CYP2C18: variants seen among roughly 807,000 people sequenced by gnomAD.
CYP2C18 encodes cytochrome P450 2C18.
A neutral mutation model predicts 41.3 loss-of-function variants in CYP2C18; 38 were observed. The ratio of observed to expected loss-of-function variants is 0.92; its 90% confidence interval spans 0.71 to 1.21. The LOEUF (loss-of-function observed/expected upper bound fraction) is 1.21, where lower values mean the gene tolerates loss of function less well. Ranked by LOEUF, CYP2C18 falls within the 50% of genes most tolerant of loss-of-function variation. CYP2C18 has a pLI of 0.00. For synonymous variants in CYP2C18, 236 were observed against 210.0 expected (o/e 1.12, Z -1.07); for missense variants, 635 against 591.4 (o/e 1.07, Z -0.77).
intron 6 of CYP2C18, among the ~76,000 whole-genome samples, chr10:94,722,803 TA>T (rs941421531): frequency 3.3e-5 from 5 of 152,144 alleles, no homozygotes; most frequent in Admixed American, 2.6e-4. Flanking sequence ...AGGGGTTAAG[TA>T]AGAGTCCACT....
intron 4 of CYP2C18, among the ~76,000 whole-genome samples, chr10:94,697,693 A>T (rs1022172733): frequency 2.6e-5 from 4 of 152,236 alleles, no homozygotes; most frequent in Non-Finnish European, 5.9e-5. Flanking sequence ...GGCAAATTGG[A>T]TAAAGAGTCA....
At chr10:94,720,275 C>T in intron 5 of CYP2C18, 121 bp from the exon 6 acceptor site, 3 of 778,282 alleles carry the variant, frequency 3.9e-6, no homozygotes, top group Non-Finnish European at 4.0e-6. Flanking sequence ...AGTTTTAATA[C>T]TGCACTCTGT....
At chr10:94,699,012 A>G (rs1847179065) in intron 4 of CYP2C18, among the ~76,000 whole-genome samples, 1 of 152,238 alleles carries the variant, frequency 6.6e-6, no homozygotes, top group South Asian at 2.1e-4. Context: ...AAAAAAGTTC[A>G]GGACCAGATG....
intron 5 of CYP2C18, among the ~76,000 whole-genome samples, chr10:94,712,245 A>G (rs1479086467): frequency 1.3e-5 from 2 of 151,070 alleles, no homozygotes; most frequent in South Asian, 2.1e-4. Context: ...ATTATTAGCT[A>G]TATTCAACTG....
At chr10:94,689,432 C>G (rs1433932914) in intron 3 of CYP2C18, among the ~76,000 whole-genome samples, 2 of 152,110 alleles carry the variant, frequency 1.3e-5, no homozygotes, top group Non-Finnish European at 2.9e-5. Context: ...CAAAGTCAGA[C>G]AGTTCCTAGA....
At chr10:94,730,999 C>CA (rs1019352783) in intron 7 of CYP2C18, among the ~76,000 whole-genome samples, 46 of 152,136 alleles carry the variant, frequency 3.0e-4, no homozygotes, top group African/African-American at 1.1e-3. Flanking sequence ...AGGAAAACTG[C>CA]AAAACACTAC....
intron 6 of CYP2C18, among the ~76,000 whole-genome samples, chr10:94,721,289 A>T (rs1254932239): frequency 6.6e-6 from 1 of 152,172 alleles, no homozygotes; most frequent in Non-Finnish European, 1.5e-5. Context: ...TTCTTGGATT[A>T]CAGGCATATG....
At position 94,735,496 on chromosome 10, in the gene CYP2C18, T is replaced by C; in HGVS notation, c.*52T>C. On this transcript the variant is annotated 3_prime_UTR_variant, in exon 9 of 9. Transcript: ENST00000285979. ...TGTGCTGTCACCTGCAATTCTCCCT[T>C]ATCAGGGCCATTGGCCTCTCCCTTC... The C allele has an allele frequency of 1.9e-6, 3 of 1,573,180 alleles. No individual in the cohort carries two copies. Among genetic ancestry groups the C allele is most frequent in the Non-Finnish European group, 2.6e-6 (3 of 1,144,192 alleles).
Position 94,688,130 on chromosome 10 carries a change from C to G in CYP2C18, c.337C>G (p.Leu113Val). 1.2e-6 allele frequency: 2 copies of G among 1,613,468 alleles called. No homozygotes were observed. Among genetic ancestry groups the G allele is most frequent in the Non-Finnish European group, 1.7e-6 (2 of 1,179,718 alleles). Residue 113 changes from leucine to valine, a missense_variant, in exon 3 of 9, where the codon CTT (leucine) becomes GTT (valine). By Grantham distance (32) the Leu-to-Val change is conservative. Transcript: ENST00000285979. ...TCTGTTTTCTGTTCTGCTAGGAATC[C>G]TTTTCAGCAATGGAAAGAGATGGAA... Reference protein sequence around the residue: ...AEKVNKGLGILFSNGKRWKEI... With the variant: ...AEKVNKGLGIVFSNGKRWKEI...
Position 94,683,802 on chromosome 10 carries a change from TAAG to T in CYP2C18, c.-13_-11del, listed in dbSNP as rs747833802. 1.9e-6 allele frequency: 3 copies of T among 1,565,414 alleles called. No individual in the cohort carries two copies. Among genetic ancestry groups the T allele is most frequent in the African/African-American group, 1.4e-5 (1 of 73,246 alleles). ...AAGTGAAAGCCCGCAGTTGTCTTAC[TAAG>T]AAGAGAAGCCTTCAATGGATCCAGC... On this transcript the variant is annotated 5_prime_UTR_variant, in exon 1 of 9. Transcript: ENST00000285979.
chr10:94,710,130 C>A (rs1181057830), intron 5 of CYP2C18, among the ~76,000 whole-genome samples: 1 of 152,070 alleles, frequency 6.6e-6, no homozygotes, highest in Non-Finnish European at 1.5e-5. Flanking sequence ...CCACTATGGC[C>A]AGATAATTTA....
At chr10:94,690,038 T>TC (rs1846966856) in intron 3 of CYP2C18, among the ~76,000 whole-genome samples, 1 of 152,066 alleles carries the variant, frequency 6.6e-6, no homozygotes, top group Admixed American at 6.6e-5. Flanking sequence ...CCCTGGTACT[T>TC]CCCCATGTGG....
At position 94,706,896 on chromosome 10, in the gene CYP2C18, A is replaced by G; in HGVS notation, c.755A>G (p.Gln252Arg). 1.2e-6 allele frequency: 2 copies of G among 1,612,924 alleles called. No homozygotes were observed. The highest frequency in any genetic ancestry group is 1.7e-6 in the Non-Finnish European group (2 of 1,179,396). The change falls in exon 5 of 9, where the codon CAA becomes CGA. Residue 252 changes from glutamine to arginine, a missense_variant. By Grantham distance (43) the Gln-to-Arg change is conservative. Coordinates refer to ENST00000285979, the MANE Select transcript of CYP2C18 (RefSeq NM_000772.3). ...GTATTGGAGAGAATAAAAGAACATC[A>G]AGAATCCCTGGACATGAACAGTGCT... ...SYVLERIKEHQESLDMNSARD... is the reference protein window; with the variant it reads ...SYVLERIKEHRESLDMNSARD...
chr10:94,730,233 A>C (rs778174816), intron 7 of CYP2C18, among the ~76,000 whole-genome samples: 6 of 152,278 alleles, frequency 3.9e-5, no homozygotes, highest in Non-Finnish European at 5.9e-5. Context: ...TCATAAATGA[A>C]AATTTTTAGG....
In CYP2C18 at chr10:94,700,949, C is replaced by G. The variant is rs1847229466; in HGVS notation, c.643-5835C>G. Among the ~76,000 whole-genome samples the G allele has an allele frequency of 2.6e-5, 4 of 152,122 alleles. No homozygotes were observed. The South Asian group carries it at 8.3e-4, about 32-fold the overall frequency. ...ATCTCACACCAATTAGAATGGTGAT[C>G]ATTAAAAAGTCAGGAAACAACAGGT... is the stretch of plus-strand genomic sequence containing the variant. On this transcript the variant is annotated intron_variant, in intron 4 of 8. Coordinates refer to ENST00000285979, the MANE Select transcript of CYP2C18 (RefSeq NM_000772.3).
chr10:94,735,252 C>G lies in CYP2C18; in HGVS notation c.1292-11C>G. On this transcript the variant is annotated splice_polypyrimidine_tract_variant and intron_variant, in intron 8 of 8. Coordinates refer to ENST00000285979, the MANE Select transcript of CYP2C18 (RefSeq NM_000772.3). ...TTCAAGGAACAAATCCCCTATGTCT[C>G]TTATTTTCAGGAAAACGGATGTGTA... 1 of 1,613,094 alleles carries G rather than the reference C, an allele frequency of 6.2e-7. No homozygotes were observed. Among genetic ancestry groups the G allele is most frequent in the Non-Finnish European group, 8.5e-7 (1 of 1,179,368 alleles).
chr10:94,731,712 A>G (rs1847836265), intron 7 of CYP2C18, among the ~76,000 whole-genome samples: 1 of 152,184 alleles, frequency 6.6e-6, no homozygotes, highest in African/African-American at 2.4e-5. Context: ...AAAACAGGCA[A>G]TGGGAAAAGA....
chr10:94,723,036 T>A (rs537795873), intron 6 of CYP2C18, among the ~76,000 whole-genome samples: 1 of 152,188 alleles, frequency 6.6e-6, no homozygotes, highest in South Asian at 2.1e-4. Context: ...AAAGGGAAAG[T>A]CATAAAAACA....
rs35672164 is a variant in CYP2C18 at position 94,712,008 on chromosome 10, A to ATTTTTTTTTTTTTTTTTTTTTTTTTT, written c.819+5068_819+5069insTTTTTTTTTTTTTTTTTTTTTTTTTT. On this transcript the variant is annotated intron_variant, in intron 5 of 8. Transcript: ENST00000285979. Reference sequence around the variant, plus strand: ...AGGTGCATGCCACCATGCCCAACTAATTTTTTTTTTTTTTTTTTTTGTAGA... The same window carrying ATTTTTTTTTTTTTTTTTTTTTTTTTT: ...AGGTGCATGCCACCATGCCCAACTAATTTTTTTTTTTTTTTTTTTTTTTTTTTTTTTTTTTTTTTTTTTTTTGTAGA... Among the ~76,000 whole-genome samples, 690 of 97,790 alleles carry ATTTTTTTTTTTTTTTTTTTTTTTTTT rather than the reference A, an allele frequency of 7.1e-3. 24 individuals carry two copies. The highest frequency in any genetic ancestry group is 0.017 in the South Asian group (40 of 2,368). 64.2% of individuals were successfully genotyped at this position (97,790 alleles called of 152,430 possible). A position where few individuals can be genotyped will look rare whatever the true frequency, so the allele number is the denominator to read the frequency against.
Sources: allele counts gnomAD v4.1 joint callset (sites outside exome capture counted in the v4.1 genomes callset), GRCh38; gene constraint gnomAD v4.1.1; transcripts MANE v1.5; gene names NCBI Gene and HGNC (gene_info 2026-07-23, HGNC 2026-07-21).